ZFR: variants seen among roughly 807,000 people sequenced by gnomAD.
The protein encoded by ZFR is zinc finger RNA binding protein, also known as zinc finger RNA-binding protein.
In ZFR, 19 loss-of-function variants were observed where a neutral mutation model predicts 130.7. That is an observed-to-expected ratio of 0.15 (90% CI 0.10 to 0.21). The LOEUF (loss-of-function observed/expected upper bound fraction) is 0.21. Ranked by LOEUF, ZFR falls within the 10% of genes least tolerant of loss-of-function variation. The pLI is 1.00. For synonymous variants in ZFR, 466 were observed against 456.9 expected, an observed-to-expected ratio of 1.02 and a Z score of -0.25; for missense variants, 872 against 1,321.5, an observed-to-expected ratio of 0.66 and a Z score of 5.27.
At position 32,355,610 on chromosome 5, in the gene ZFR, G is replaced by T; in HGVS notation, c.*150C>A. ...TTCCATTCAAATAATACCTAACACTGTACATTTTTTAATATCATAGAAAAA... is the reference window on the plus strand; with the variant it reads ...TTCCATTCAAATAATACCTAACACTTTACATTTTTTAATATCATAGAAAAA... On this transcript the variant is annotated 3_prime_UTR_variant, in exon 20 of 20. Transcript: ENST00000265069. The T allele has an allele frequency of 1.4e-6, 1 of 700,258 alleles. No individual in the cohort carries two copies. The allele number at this position is 700,258 out of a possible 1,614,324, so 43.4% of individuals were successfully genotyped here.
chr5:32,355,614 AT>A lies in ZFR; in HGVS notation c.*145del. ...ATTCAAATAATACCTAACACTGTAC[AT>A]TTTTTAATATCATAGAAAAACTTGG... is the stretch of plus-strand genomic sequence containing the variant. On this transcript the variant is annotated 3_prime_UTR_variant, in exon 20 of 20. Coordinates refer to ENST00000265069, the MANE Select transcript of ZFR (RefSeq NM_016107.5). 1 of 746,660 alleles carries A rather than the reference AT, an allele frequency of 1.3e-6. No individual in the cohort carries two copies. The allele number at this position is 746,660 out of a possible 1,614,324, so 46.3% of individuals were successfully genotyped here.
chr5:32,397,116 T>C, intron 10 of ZFR, 103 bp downstream of exon 10: 2 of 1,331,462 alleles, frequency 1.5e-6, no homozygotes, highest in Non-Finnish European at 1.0e-6. Context: ...ATCATGGACT[T>C]GGCAAGCTGT....
At chr5:32,384,634 C>T (rs1386036190) in intron 15 of ZFR, among the ~76,000 whole-genome samples, 1 of 152,128 alleles carries the variant, frequency 6.6e-6, no homozygotes. Flanking sequence ...TTATTCCATA[C>T]TCAACAAGAT....
intron 2 of ZFR, among the ~76,000 whole-genome samples, chr5:32,442,720 A>AT (rs11311732): frequency 4.6e-5 from 7 of 151,112 alleles, no homozygotes; most frequent in South Asian, 2.1e-4. Flanking sequence ...AACTGGCAGC[A>AT]TTTTTTTTTA....
intron 16 of ZFR, chr5:32,379,786 CAT>C (rs1221622183): frequency 1.5e-5 from 4 of 267,446 alleles, no homozygotes; most frequent in East Asian, 7.0e-5. Context: ...TATACACAAA[CAT>C]GTGATGTTCC....
intron 10 of ZFR, 68 bp downstream of exon 10, chr5:32,397,151 A>C: frequency 6.6e-7 from 1 of 1,522,674 alleles, no homozygotes; most frequent in South Asian, 1.3e-5. Context: ...TTTTACATAA[A>C]GAATGCTCTG....
intron 8 of ZFR, among the ~76,000 whole-genome samples, chr5:32,402,613 G>GAA (rs61102954): frequency 0.012 from 1,504 of 121,968 alleles, 21 homozygotes; most frequent in African/African-American, 0.033. Context: ...CCAAAAAAAA[G>GAA]AAAAAAAAAA....
intron 10 of ZFR, 53 bp downstream of exon 10, chr5:32,397,166 T>C (rs1753333189): frequency 6.5e-7 from 1 of 1,549,002 alleles, no homozygotes; most frequent in East Asian, 2.3e-5. Context: ...GCTCTGGGTG[T>C]TTTTGTTTTT....
At chr5:32,397,177 G>T (rs755352268) in intron 10 of ZFR, 42 bp downstream of exon 10, 1 of 1,556,724 alleles carries the variant, frequency 6.4e-7, no homozygotes, top group Non-Finnish European at 8.7e-7. Flanking sequence ...TTTTGTTTTT[G>T]TTTTTTGTTT....
chr5:32,443,615 A>G (rs1014366959), intron 2 of ZFR, among the ~76,000 whole-genome samples: 14 of 152,270 alleles, frequency 9.2e-5, no homozygotes, highest in African/African-American at 3.4e-4. Context: ...AACCCGATGA[A>G]CACAGTGACA....
chr5:32,437,120 T>C (rs1754355983), intron 2 of ZFR, among the ~76,000 whole-genome samples: 1 of 152,220 alleles, frequency 6.6e-6, no homozygotes, highest in Admixed American at 6.5e-5. Context: ...ACTTTTCCTT[T>C]GTCTAAAATG....
At chr5:32,429,371 C>T (rs951484714) in intron 2 of ZFR, among the ~76,000 whole-genome samples, 9 of 152,070 alleles carry the variant, frequency 5.9e-5, no homozygotes, top group African/African-American at 1.4e-4. Flanking sequence ...AAAGACTTTC[C>T]TGACAGTTCT....
rs1753788491 is a variant in ZFR at position 32,415,027 on chromosome 5, A to G, written c.726T>C (p.Thr242=). The G allele has an allele frequency of 2.5e-6, 4 of 1,614,132 alleles. No homozygotes were observed. The highest frequency in any genetic ancestry group is 1.3e-5 in the African/African-American group (1 of 75,060). Residue 242 remains threonine (T), a synonymous_variant, in exon 5 of 20, where the codon ACT becomes ACC. Coordinates refer to ENST00000265069, the MANE Select transcript of ZFR (RefSeq NM_016107.5). ...CACTCTGAGTATAGGATGGCACCAC[A>G]GTAGCCGCAGCTGCTACTGGCTGTA... ...STVQPVAAAA[T]VVPSYTQSAT... is the part of the protein sequence containing the mutation.
At position 32,407,030 on chromosome 5, in the gene ZFR, T is replaced by C. The variant is rs751891674; in HGVS notation, c.785-9A>G. 2.3e-5 allele frequency: 33 copies of C among 1,459,304 alleles called. No individual in the cohort carries two copies. Among genetic ancestry groups the C allele is most frequent in the Non-Finnish European group, 4.5e-6 (5 of 1,104,442 alleles). 90.4% of individuals were successfully genotyped at this position (1,459,304 alleles called of 1,614,324 possible). On this transcript the variant is annotated splice_polypyrimidine_tract_variant and intron_variant, in intron 5 of 19. Coordinates refer to ENST00000265069, the MANE Select transcript of ZFR (RefSeq NM_016107.5). ...ACCTGAATAAGACGTACCTTACAAA[T>C]AAAAATCAAACAAAAATTATGTTAC...
intron 8 of ZFR, among the ~76,000 whole-genome samples, chr5:32,401,564 C>T (rs1753448817): frequency 6.6e-6 from 1 of 152,022 alleles, no homozygotes. Context: ...CAAGGAAGAG[C>T]CAGTAATTCA....
intron 5 of ZFR, among the ~76,000 whole-genome samples, chr5:32,409,515 T>C (rs1753651848): frequency 6.6e-6 from 1 of 151,798 alleles, no homozygotes; most frequent in African/African-American, 2.4e-5. Context: ...AACCGATTCT[T>C]GTACCTCAGC....
At chr5:32,382,571 A>C (rs1490139225) in intron 15 of ZFR, among the ~76,000 whole-genome samples, 2 of 152,198 alleles carry the variant, frequency 1.3e-5, no homozygotes, top group Non-Finnish European at 2.9e-5. Context: ...TGGAAATTGT[A>C]ATTCATGATA....
chr5:32,398,808 C>T (rs1370260850), intron 9 of ZFR, among the ~76,000 whole-genome samples: 4 of 151,762 alleles, frequency 2.6e-5, no homozygotes, highest in East Asian at 2.0e-4. Flanking sequence ...CTCAGCGTCC[C>T]GAGTAGCTGG....
chr5:32,426,037 G>A lies in ZFR; in HGVS notation c.138-5934C>T, dbSNP rs565154574. Among the ~76,000 whole-genome samples the A allele has an allele frequency of 2.6e-5, 4 of 152,112 alleles. No individual in the cohort carries two copies. In the South Asian group the frequency reaches 6.2e-4, roughly 24 times the overall value. ...CCTTTATGCAAAAAGTTTCTGTCAC[G>A]CAACAGGAAAATGAAATTGCTTAAT... On this transcript the variant is annotated intron_variant, in intron 2 of 19. Coordinates refer to ENST00000265069, the MANE Select transcript of ZFR (RefSeq NM_016107.5).
Sources: allele counts gnomAD v4.1 joint callset (sites outside exome capture counted in the v4.1 genomes callset), GRCh38; gene constraint gnomAD v4.1.1; transcripts MANE v1.5; gene names NCBI Gene and HGNC (gene_info 2026-07-23, HGNC 2026-07-21).